The following DGKB variants were observed in gnomAD, a reference collection of about 807,000 sequenced individuals.
DGKB encodes the protein diacylglycerol kinase beta.
Under a neutral mutation model 114.3 loss-of-function variants are expected in DGKB, and 67 were observed. The observed-to-expected ratio is 0.59, with a 90% CI of 0.48 to 0.72. The LOEUF (loss-of-function observed/expected upper bound fraction) is 0.72, where lower values mean the gene tolerates loss of function less well. DGKB is among the 30% of genes least tolerant of loss of function. The pLI is 0.00. For synonymous variants in DGKB, 398 were observed against 323.1 expected, an observed-to-expected ratio of 1.23 and a Z score of -2.49; for missense variants, 907 against 975.2, an observed-to-expected ratio of 0.93 and a Z score of 0.93.
chr7:14,534,418 C>T (rs1002003874), intron 20 of DGKB, among the ~76,000 whole-genome samples: 3 of 152,070 alleles, frequency 2.0e-5, no homozygotes, highest in African/African-American at 7.2e-5. Context: ...AGACAAAAAA[C>T]AATGGACAAA....
At chr7:14,283,745 C>G (rs541991696) in intron 23 of DGKB, among the ~76,000 whole-genome samples, 2,342 of 152,078 alleles carry the variant, frequency 0.015, 23 homozygotes, top group Non-Finnish European at 0.022. Flanking sequence ...ACAAACCTGA[C>G]AAAAACAAGC....
chr7:14,720,663 T>C (rs1379722955), intron 5 of DGKB, among the ~76,000 whole-genome samples: 1 of 151,976 alleles, frequency 6.6e-6, no homozygotes, highest in Non-Finnish European at 1.5e-5. Context: ...TAAAATGAAG[T>C]CTTATTTATT....
At chr7:14,301,843 A>T (rs1294722072) in intron 23 of DGKB, among the ~76,000 whole-genome samples, 2 of 152,130 alleles carry the variant, frequency 1.3e-5, no homozygotes, top group Non-Finnish European at 2.9e-5. Flanking sequence ...TTGGTTGATC[A>T]AGTGTACAGT....
intron 3 of DGKB, among the ~76,000 whole-genome samples, chr7:14,756,311 G>A (rs929553972): frequency 1.3e-5 from 2 of 151,834 alleles, no homozygotes; most frequent in Admixed American, 1.3e-4. Context: ...TTCCCACCCT[G>A]CTTTCTTAGG....
intron 20 of DGKB, among the ~76,000 whole-genome samples, chr7:14,552,823 T>A (rs1403879224): frequency 6.6e-6 from 1 of 152,156 alleles, no homozygotes; most frequent in African/African-American, 2.4e-5. Flanking sequence ...TCTACCAACA[T>A]GTTAACCAGA....
At chr7:14,193,803 G>A (rs539233670) in intron 23 of DGKB, among the ~76,000 whole-genome samples, 293 of 151,918 alleles carry the variant, frequency 1.9e-3, no homozygotes, top group South Asian at 4.0e-3. Flanking sequence ...CTAACAAGGA[G>A]TTAATATATA....
intron 1 of DGKB, among the ~76,000 whole-genome samples, chr7:14,889,834 G>A (rs1011585415): frequency 6.6e-6 from 1 of 151,448 alleles, no homozygotes; most frequent in African/African-American, 2.4e-5. Flanking sequence ...CTTGATAGAA[G>A]TAGACATAAT....
At chr7:14,348,118 G>T (rs1272029745) in intron 21 of DGKB, among the ~76,000 whole-genome samples, 2 of 151,866 alleles carry the variant, frequency 1.3e-5, no homozygotes, top group South Asian at 2.1e-4. Context: ...TCACCACAAG[G>T]TTCCCTCATG....
At chr7:14,500,289 G>T (rs979197869) in intron 20 of DGKB, among the ~76,000 whole-genome samples, 1 of 151,542 alleles carries the variant, frequency 6.6e-6, no homozygotes, top group Admixed American at 6.6e-5. Context: ...TTTGATAAAA[G>T]AACAAAGTGT....
chr7:14,259,975 C>T (rs1255122535), intron 23 of DGKB, among the ~76,000 whole-genome samples: 1 of 152,108 alleles, frequency 6.6e-6, no homozygotes, highest in Non-Finnish European at 1.5e-5. Context: ...AAATACATTT[C>T]AAATTGTTGA....
chr7:14,469,918 T>A (rs1179328422), intron 21 of DGKB, among the ~76,000 whole-genome samples: 2 of 151,942 alleles, frequency 1.3e-5, no homozygotes, highest in African/African-American at 4.8e-5. Flanking sequence ...AATACATATA[T>A]GTATACACAT....
chr7:14,717,654 A>G (rs768271326), intron 6 of DGKB, among the ~76,000 whole-genome samples: 49 of 152,244 alleles, frequency 3.2e-4, no homozygotes, highest in Non-Finnish European at 6.8e-4. Context: ...TAATTCTGAG[A>G]CGTCATGATT....
At chr7:14,803,714 T>G (rs1282969424) in intron 2 of DGKB, among the ~76,000 whole-genome samples, 1 of 152,156 alleles carries the variant, frequency 6.6e-6, no homozygotes, top group Non-Finnish European at 1.5e-5. Context: ...TCATTTGATT[T>G]TCCTCTCTGG....
chr7:14,782,254 G>A (rs768849178), intron 2 of DGKB, among the ~76,000 whole-genome samples: 2 of 152,044 alleles, frequency 1.3e-5, no homozygotes, highest in African/African-American at 4.8e-5. Flanking sequence ...TTGAACTCCT[G>A]GCCTCAAGTG....
intron 23 of DGKB, among the ~76,000 whole-genome samples, chr7:14,219,919 CTTGA>C (rs1484833555): frequency 6.6e-6 from 1 of 151,624 alleles, no homozygotes; most frequent in African/African-American, 2.4e-5. Context: ...CACTTACATC[CTTGA>C]TTATTTTTTA....
chr7:14,289,167 T>A (rs1434442111), intron 23 of DGKB, among the ~76,000 whole-genome samples: 1 of 152,054 alleles, frequency 6.6e-6, no homozygotes, highest in East Asian at 1.9e-4. Flanking sequence ...ACTCAATATT[T>A]AGTGTACATA....
chr7:14,859,261 C>G (rs111685580), intron 1 of DGKB, among the ~76,000 whole-genome samples: 1,921 of 152,146 alleles, frequency 0.013, 37 homozygotes, highest in African/African-American at 0.044. Flanking sequence ...GACAAAAGAC[C>G]TGAATATCAA....
chr7:14,392,823 A>G (rs943195999), intron 21 of DGKB, among the ~76,000 whole-genome samples: 1 of 152,086 alleles, frequency 6.6e-6, no homozygotes, highest in Non-Finnish European at 1.5e-5. Context: ...ACTGACTAGA[A>G]GACATTTATT....
At chr7:14,562,109 G>C (rs1796743894) in intron 20 of DGKB, among the ~76,000 whole-genome samples, 2 of 152,210 alleles carry the variant, frequency 1.3e-5, no homozygotes, top group African/African-American at 4.8e-5. Flanking sequence ...TCAGAATGTG[G>C]TTCCAGAGGG....
Sources: gnomAD v4.1 joint callset for allele counts (sites outside exome capture counted in the v4.1 genomes callset) on GRCh38, gnomAD v4.1.1 for gene constraint, MANE v1.5 for transcripts, NCBI Gene and HGNC (gene_info 2026-07-23, HGNC 2026-07-21) for gene names.